The following POFUT1 variants were observed in gnomAD, a reference collection of about 807,000 sequenced individuals.
The protein encoded by POFUT1 is GDP-fucose protein O-fucosyltransferase 1.
In POFUT1, 16 loss-of-function variants were observed where a neutral mutation model predicts 42.4. The observed-to-expected ratio is 0.38, with a 90% CI of 0.26 to 0.57. The LOEUF (loss-of-function observed/expected upper bound fraction) is 0.57, where lower values mean the gene tolerates loss of function less well. Among genes scored for constraint, POFUT1 ranks in the 20% least tolerant of loss-of-function variants. The pLI is 0.71. For synonymous variants in POFUT1, 206 were observed against 205.4 expected (o/e 1.00, Z -0.03); for missense variants, 470 against 504.6 (o/e 0.93, Z 0.66).
intron 1 of POFUT1, among the ~76,000 whole-genome samples, chr20:32,209,719 C>T (rs994718090): frequency 6.6e-6 from 1 of 152,098 alleles, no homozygotes; most frequent in Non-Finnish European, 1.5e-5. Flanking sequence ...GAAAGGAGCC[C>T]AGTGAATGAG....
At chr20:32,209,095 C>T (rs2047312059) in intron 1 of POFUT1, among the ~76,000 whole-genome samples, 1 of 152,166 alleles carries the variant, frequency 6.6e-6, no homozygotes, top group African/African-American at 2.4e-5. Context: ...TCCACAACTC[C>T]CTTCTCTGCT....
At chr20:32,225,271 G>A (rs1313999424) in intron 4 of POFUT1, among the ~76,000 whole-genome samples, 4 of 149,704 alleles carry the variant, frequency 2.7e-5, no homozygotes, top group Non-Finnish European at 4.4e-5. Context: ...CTCACTGCAA[G>A]CTCTGTCTCA....
chr20:32,211,279 ATT>A (rs11397120), intron 2 of POFUT1, among the ~76,000 whole-genome samples: 8,691 of 147,104 alleles, frequency 0.059, 897 homozygotes, highest in African/African-American at 0.2. Flanking sequence ...CGCACTCACT[ATT>A]TTTTTTTTTT....
At chr20:32,225,284 G>T (rs1371235404) in intron 4 of POFUT1, among the ~76,000 whole-genome samples, 2 of 151,962 alleles carry the variant, frequency 1.3e-5, no homozygotes, top group African/African-American at 4.8e-5. Flanking sequence ...CTGTCTCACA[G>T]GTTCGCCATT....
Position 32,236,831 on chromosome 20 carries a change from G to A in POFUT1, c.*2170G>A, listed in dbSNP as rs981134934. The A allele has an allele frequency of 2.6e-5, 4 of 152,114 alleles. No individual in the cohort carries two copies. Among genetic ancestry groups the A allele is most frequent in the Non-Finnish European group, 4.4e-5 (3 of 68,034 alleles). 9.4% of individuals were successfully genotyped at this position (152,114 alleles called of 1,614,324 possible). On this transcript the variant is annotated 3_prime_UTR_variant, in exon 7 of 7. Transcript: ENST00000375749. Reference sequence around the variant, plus strand: ...TTCTCTTATTTATTCCCCAGCCCTGGGAAATAGGAGCTGTCATTATCCTTC... The same window carrying A: ...TTCTCTTATTTATTCCCCAGCCCTGAGAAATAGGAGCTGTCATTATCCTTC...
At chr20:32,211,026 G>T (rs553550107) in intron 2 of POFUT1, among the ~76,000 whole-genome samples, 5 of 152,278 alleles carry the variant, frequency 3.3e-5, no homozygotes, top group Admixed American at 2.0e-4. Flanking sequence ...TCTGACTTGG[G>T]TTCTTACTAG....
chr20:32,214,710 A>T (rs2047349479), intron 2 of POFUT1, among the ~76,000 whole-genome samples: 2 of 152,048 alleles, frequency 1.3e-5, no homozygotes, highest in Non-Finnish European at 2.9e-5. Flanking sequence ...CCTGTGTTTT[A>T]TCTTGGCATT....
In POFUT1 at chr20:32,221,729, C is replaced by T. The variant is rs538549801; in HGVS notation, c.542+5008C>T. 1.4e-4 allele frequency among the ~76,000 whole-genome samples: 21 copies of T among 151,750 alleles called. No homozygotes were observed. The South Asian group carries it at 3.3e-3, about 24-fold the overall frequency. ...AGACCATCTTAAAAAAAAAAAATGC[C>T]TCTAGGGCCTTTATGGGGGGTAGCA... is the stretch of plus-strand genomic sequence containing the variant. On this transcript the variant is annotated intron_variant, in intron 4 of 6. Coordinates refer to ENST00000375749, the MANE Select transcript of POFUT1 (RefSeq NM_015352.2).
At chr20:32,234,056 C>T (rs1330411864) in intron 6 of POFUT1, among the ~76,000 whole-genome samples, 1 of 152,166 alleles carries the variant, frequency 6.6e-6, no homozygotes, top group African/African-American at 2.4e-5. Flanking sequence ...TGGTGGTGCA[C>T]ACTTGTAGTC....
Position 32,238,081 on chromosome 20 carries a change from A to G in POFUT1, c.*3420A>G, listed in dbSNP as rs553428837. The G allele has an allele frequency of 2.9e-3, 902 of 315,230 alleles. 18 individuals carry two copies. The highest frequency in any genetic ancestry group is 0.021 in the South Asian group (763 of 37,122). 19.5% of individuals were successfully genotyped at this position (315,230 alleles called of 1,614,324 possible). On this transcript the variant is annotated 3_prime_UTR_variant, in exon 7 of 7. Transcript: ENST00000375749. ...AAAATTCTGTCGAGGAGTGTTCCAT[A>G]GTTTATTGTTTTCCTATTATGAGAA...
chr20:32,216,953 G>C (rs1215850355), intron 4 of POFUT1: 1 of 1,606,924 alleles, frequency 6.2e-7, no homozygotes, highest in East Asian at 2.2e-5. Flanking sequence ...GGTTGATAAG[G>C]GATGTCATAA....
At chr20:32,224,203 G>A (rs530006678) in intron 4 of POFUT1, among the ~76,000 whole-genome samples, 38 of 152,144 alleles carry the variant, frequency 2.5e-4, no homozygotes, top group African/African-American at 8.7e-4. Flanking sequence ...ACCAGCCTGG[G>A]CAACATGGCG....
intron 2 of POFUT1, among the ~76,000 whole-genome samples, chr20:32,210,485 G>A (rs560940944): frequency 6.6e-6 from 1 of 152,362 alleles, no homozygotes; most frequent in East Asian, 1.9e-4. Context: ...GAGTAGGAGA[G>A]CTGGAATTCA....
intron 4 of POFUT1, chr20:32,222,498 A>G (rs540977379): frequency 1.6e-6 from 1 of 621,778 alleles, no homozygotes; most frequent in Non-Finnish European, 2.0e-6. Context: ...CCTTTTGCTT[A>G]CATCTCATTG....
chr20:32,216,605 G>A lies in POFUT1; in HGVS notation c.430-4G>A. On this transcript the variant is annotated splice_region_variant and splice_polypyrimidine_tract_variant and intron_variant, in intron 3 of 6. Coordinates refer to ENST00000375749, the MANE Select transcript of POFUT1 (RefSeq NM_015352.2). ...GTAAGCCTTCCACCACTCTCTTTCT[G>A]CAGGAAGGAAACCCCTTTGGCCCAT... The A allele has an allele frequency of 1.3e-6, 2 of 1,594,738 alleles. No homozygotes were observed. The highest frequency in any genetic ancestry group is 1.7e-6 in the Non-Finnish European group (2 of 1,162,484).
intron 4 of POFUT1, among the ~76,000 whole-genome samples, chr20:32,227,010 G>A (rs181369655): frequency 6.6e-6 from 1 of 152,288 alleles, no homozygotes; most frequent in Non-Finnish European, 1.5e-5. Context: ...CTGCCAAACT[G>A]TTTTCCAGAA....
At chr20:32,230,485 A>C (rs936312010) in intron 5 of POFUT1, among the ~76,000 whole-genome samples, 1 of 151,802 alleles carries the variant, frequency 6.6e-6, no homozygotes, top group Admixed American at 6.6e-5. Flanking sequence ...ACCTGAGGTC[A>C]GGAGTTCAAG....
chr20:32,230,637 G>T (rs1260920218), intron 5 of POFUT1, among the ~76,000 whole-genome samples, 182 bp from the exon 6 acceptor site: 1 of 151,668 alleles, frequency 6.6e-6, no homozygotes, highest in Non-Finnish European at 1.5e-5. Context: ...GGAGGTTGCA[G>T]TGAGTGGAGA....
At position 32,214,133 on chromosome 20, in the gene POFUT1, T is replaced by A. The variant is rs6142640; in HGVS notation, c.247-1136T>A. ...AGGAAGGTACATTAAAAAAAAAAAA[T>A]TTTTTTTTTGAGACAGAGTCTCACT... On this transcript the variant is annotated intron_variant, in intron 2 of 6. Coordinates refer to ENST00000375749, the MANE Select transcript of POFUT1 (RefSeq NM_015352.2). 5.1e-3 allele frequency among the ~76,000 whole-genome samples: 765 copies of A among 148,616 alleles called. 31 individuals are homozygous for A. In the East Asian group the frequency reaches 0.11, roughly 21 times the overall value.
Sources: gnomAD v4.1 joint callset for allele counts (sites outside exome capture counted in the v4.1 genomes callset) on GRCh38, gnomAD v4.1.1 for gene constraint, MANE v1.5 for transcripts, NCBI Gene and HGNC (gene_info 2026-07-23, HGNC 2026-07-21) for gene names.